The following BTRC variants were observed in gnomAD, a reference collection of about 807,000 sequenced individuals.
BTRC encodes beta-transducin repeat containing E3 ubiquitin protein ligase, also known as F-box/WD repeat-containing protein 1A.
BTRC carries 42 observed loss-of-function variants against 85.5 expected under a neutral mutation model. The ratio of observed to expected loss-of-function variants is 0.49; its 90% CI spans 0.38 to 0.64. The LOEUF is 0.64. BTRC is among the 30% of genes least tolerant of loss of function. BTRC has a pLI of 0.00. For synonymous variants in BTRC, 255 were observed against 263.3 expected (o/e 0.97, Z 0.30); for missense variants, 594 against 743.5 (o/e 0.80, Z 2.34).
chr10:101,530,827 A>C (rs1317910254), intron 6 of BTRC, among the ~76,000 whole-genome samples: 1 of 152,234 alleles, frequency 6.6e-6, no homozygotes, highest in Non-Finnish European at 1.5e-5. Flanking sequence ...TATGGAGAGT[A>C]TATGGAATGG....
chr10:101,441,900 A>AAAAT (rs1944691159), intron 2 of BTRC, among the ~76,000 whole-genome samples: 1 of 151,036 alleles, frequency 6.6e-6, no homozygotes. Flanking sequence ...AAAAAAAAAA[A>AAAAT]GTGTAATAAG....
intron 2 of BTRC, among the ~76,000 whole-genome samples, chr10:101,444,069 CT>C (rs1347185301): frequency 6.6e-6 from 1 of 152,140 alleles, no homozygotes; most frequent in East Asian, 1.9e-4. Context: ...AGAGGTCTGG[CT>C]TAGTAGCAGT....
intron 4 of BTRC, among the ~76,000 whole-genome samples, chr10:101,497,580 C>T (rs1946294654): frequency 6.6e-6 from 1 of 152,070 alleles, no homozygotes; most frequent in South Asian, 2.1e-4. Flanking sequence ...GTGGTGCGCA[C>T]CTGTAGTCCC....
At chr10:101,480,509 T>C (rs1945805518) in intron 4 of BTRC, among the ~76,000 whole-genome samples, 1 of 152,234 alleles carries the variant, frequency 6.6e-6, no homozygotes, top group African/African-American at 2.4e-5. Flanking sequence ...GCCTTCTCAC[T>C]GCATCCTCAC....
chr10:101,453,263 A>G (rs1390429430), intron 2 of BTRC, among the ~76,000 whole-genome samples: 1 of 152,200 alleles, frequency 6.6e-6, no homozygotes, highest in Non-Finnish European at 1.5e-5. Flanking sequence ...TTTTTCCTTC[A>G]GGTGGGTTGT....
chr10:101,380,446 A>G (rs1377398458), intron 1 of BTRC, among the ~76,000 whole-genome samples: 2 of 152,098 alleles, frequency 1.3e-5, no homozygotes, highest in African/African-American at 4.8e-5. Context: ...GAAAGATCAC[A>G]CACAAGGCTG....
At chr10:101,526,623 T>C (rs756157541) in intron 6 of BTRC, among the ~76,000 whole-genome samples, 1 of 152,170 alleles carries the variant, frequency 6.6e-6, no homozygotes, top group Non-Finnish European at 1.5e-5. Context: ...CTACTAAAAA[T>C]ACAAAATTTA....
chr10:101,367,810 C>T (rs1397081837), intron 1 of BTRC, among the ~76,000 whole-genome samples: 1 of 152,132 alleles, frequency 6.6e-6, no homozygotes, highest in East Asian at 1.9e-4. Context: ...ATGTATTCCA[C>T]TGTGATTAAT....
At chr10:101,425,803 C>CT (rs1944237291) in intron 1 of BTRC, among the ~76,000 whole-genome samples, 1 of 150,628 alleles carries the variant, frequency 6.6e-6, no homozygotes, top group Non-Finnish European at 1.5e-5. Context: ...GAGTGAGACT[C>CT]TGTCTCAATA....
intron 3 of BTRC, among the ~76,000 whole-genome samples, chr10:101,477,229 G>A (rs775352494): frequency 2.0e-5 from 3 of 151,880 alleles, no homozygotes; most frequent in Non-Finnish European, 2.9e-5. Flanking sequence ...TCAAACTTCT[G>A]ATCTCAAGTG....
At chr10:101,383,425 T>C (rs1942988736) in intron 1 of BTRC, among the ~76,000 whole-genome samples, 1 of 151,880 alleles carries the variant, frequency 6.6e-6, no homozygotes, top group African/African-American at 2.4e-5. Context: ...CTAGTCAAGT[T>C]CTGAAGCAAT....
At chr10:101,517,824 A>G (rs2134353686) in intron 4 of BTRC, among the ~76,000 whole-genome samples, 1 of 152,060 alleles carries the variant, frequency 6.6e-6, no homozygotes. Flanking sequence ...ATATACACTG[A>G]ATCCCAATTA....
chr10:101,510,276 A>T (rs557058980), intron 4 of BTRC, among the ~76,000 whole-genome samples: 1 of 152,308 alleles, frequency 6.6e-6, no homozygotes, highest in South Asian at 2.1e-4. Context: ...TAGGAGGCAG[A>T]GGTGGGTGGA....
At chr10:101,381,051 A>T (rs1246009388) in intron 1 of BTRC, among the ~76,000 whole-genome samples, 1 of 152,156 alleles carries the variant, frequency 6.6e-6, no homozygotes, top group East Asian at 1.9e-4. Context: ...TGCATATCTG[A>T]CCATACTTGA....
chr10:101,478,225 T>C (rs1945741579), intron 3 of BTRC, among the ~76,000 whole-genome samples: 1 of 150,706 alleles, frequency 6.6e-6, no homozygotes, highest in South Asian at 2.1e-4. Flanking sequence ...CACTTGAACC[T>C]GGGAGGCGGA....
Position 101,534,647 on chromosome 10 carries a change from T to C in BTRC, c.1098-14T>C, listed in dbSNP as rs751295596. On this transcript the variant is annotated splice_polypyrimidine_tract_variant and intron_variant, in intron 9 of 14. Coordinates refer to ENST00000370187, the MANE Select transcript of BTRC (RefSeq NM_033637.4). ...TAGCTTGAGTACCATCTAAATCTCA[T>C]CTATCACTTCCAGAGTGTGGGATGT... is the stretch of plus-strand genomic sequence containing the variant. 13 of 1,613,962 alleles carry C rather than the reference T, an allele frequency of 8.1e-6. No individual in the cohort carries two copies. The Admixed American group carries it at 1.7e-4, about 21-fold the overall frequency.
At chr10:101,444,708 A>C (rs1027935414) in intron 2 of BTRC, among the ~76,000 whole-genome samples, 2 of 152,242 alleles carry the variant, frequency 1.3e-5, no homozygotes, top group African/African-American at 4.8e-5. Context: ...CAGTATTTCT[A>C]GTGGTGAGTG....
chr10:101,452,964 A>G (rs749807379), intron 2 of BTRC, among the ~76,000 whole-genome samples: 19 of 152,152 alleles, frequency 1.2e-4, no homozygotes, highest in African/African-American at 4.3e-4. Context: ...TCCCCATTGT[A>G]TCCTAAAAGG....
intron 3 of BTRC, among the ~76,000 whole-genome samples, chr10:101,476,697 A>G (rs9420825): frequency 0.15 from 22,615 of 151,154 alleles, 2,046 homozygotes; most frequent in Middle Eastern, 0.26. Context: ...TCCTGCCTCT[A>G]CCTCCCAAAG....
Sources: allele counts gnomAD v4.1 joint callset (sites outside exome capture counted in the v4.1 genomes callset), GRCh38; gene constraint gnomAD v4.1.1; transcripts MANE v1.5; gene names NCBI Gene and HGNC (gene_info 2026-07-23, HGNC 2026-07-21).